BNC2: variants seen among roughly 807,000 people sequenced by gnomAD.
The protein encoded by BNC2 is basonuclin zinc finger protein 2, also known as zinc finger protein basonuclin-2.
A neutral mutation model predicts 76.3 loss-of-function variants in BNC2; 20 were observed. The ratio of observed to expected loss-of-function variants is 0.26; its 90% CI spans 0.18 to 0.38. The LOEUF (loss-of-function observed/expected upper bound fraction) is 0.38, where lower values mean the gene tolerates loss of function less well. Among genes scored for constraint, BNC2 ranks in the 10% least tolerant of loss-of-function variants. BNC2 has a pLI of 1.00. For synonymous variants in BNC2, 582 were observed against 514.8 expected, an observed-to-expected ratio of 1.13 and a Z score of -1.77; for missense variants, 1,382 against 1,399.8, an observed-to-expected ratio of 0.99 and a Z score of 0.20.
In BNC2 at chr9:16,436,490, T is replaced by C; in HGVS notation, c.1704A>G (p.Pro568=). ...GTAAACTTCTATAAAATGGAGGAAC[T>C]GGTTGTACAGTCTTTAGCCCAGAAA... The part of the protein sequence containing the change: ...LVFSGLKTVQ[P]VPPFYRSLLT... Residue 568 remains proline, a synonymous_variant, in exon 6 of 7, where the codon CCA becomes CCG. Coordinates refer to ENST00000380672, the MANE Select transcript of BNC2 (RefSeq NM_017637.6). The C allele has an allele frequency of 6.2e-7, 1 of 1,614,098 alleles. No individual in the cohort carries two copies. The highest frequency in any genetic ancestry group is 8.5e-7 in the Non-Finnish European group (1 of 1,180,018).
intron 3 of BNC2, chr9:16,699,113 C>CTGTTTT (rs537174277): frequency 3.1e-5 from 14 of 447,728 alleles, no homozygotes; most frequent in Non-Finnish European, 5.0e-5. Context: ...TGTTGCTGTT[C>CTGTTTT]TGTTTTTGTT....
chr9:16,733,925 C>T (rs996945851), intron 2 of BNC2, among the ~76,000 whole-genome samples: 2 of 152,054 alleles, frequency 1.3e-5, no homozygotes, highest in African/African-American at 4.8e-5. Flanking sequence ...CACCTAAGTC[C>T]CTGCACTCTC....
intron 5 of BNC2, among the ~76,000 whole-genome samples, chr9:16,485,411 A>C (rs1587083875): frequency 6.6e-6 from 1 of 152,140 alleles, no homozygotes; most frequent in South Asian, 2.1e-4. Flanking sequence ...TTACTCAAAA[A>C]CCTGTTTTGT....
Position 16,435,772 on chromosome 9 carries a change from A to C in BNC2, c.2422T>G (p.Phe808Val). The stretch of plus-strand genomic sequence containing the variant: ...CTGCCATAATTCAGAGACGATGTAA[A>C]GCTCTCATGCAAGGCGGCCATGCTG... ...GASMAALHES[F>V]TSSLNYGSPQ... is the part of the protein sequence containing the mutation. Residue 808 changes from phenylalanine (F) to valine (V), a missense_variant, in exon 6 of 7, where the codon TTT (phenylalanine) becomes GTT (valine). By Grantham distance (50) the Phe-to-Val change is conservative. This residue lies in a region of BNC2 where 798 missense variants were observed against 775.5 expected (regional missense o/e 1.03). Transcript: ENST00000380672. 1 of 1,614,114 alleles carries C rather than the reference A, an allele frequency of 6.2e-7. No homozygotes were observed. The highest frequency in any genetic ancestry group is 2.2e-5 in the East Asian group (1 of 44,860).
chr9:16,463,855 G>A (rs897678071), intron 5 of BNC2, among the ~76,000 whole-genome samples: 2 of 151,870 alleles, frequency 1.3e-5, no homozygotes, highest in Non-Finnish European at 2.9e-5. Flanking sequence ...CAGCACTTCG[G>A]GAGGCCAAGG....
intron 5 of BNC2, among the ~76,000 whole-genome samples, chr9:16,513,424 A>C (rs1822805615): frequency 6.8e-6 from 1 of 146,236 alleles, no homozygotes; most frequent in African/African-American, 2.5e-5. Context: ...CTCCTGCCTC[A>C]GCCTCCCGAG....
intron 1 of BNC2, among the ~76,000 whole-genome samples, chr9:16,740,071 G>A (rs1563922052): frequency 6.6e-6 from 1 of 152,194 alleles, no homozygotes; most frequent in Non-Finnish European, 1.5e-5. Context: ...GTTATTAGGG[G>A]AAAAGACAGA....
At chr9:16,548,510 A>G (rs1422621092) in intron 5 of BNC2, among the ~76,000 whole-genome samples, 3 of 151,956 alleles carry the variant, frequency 2.0e-5, no homozygotes, top group Non-Finnish European at 4.4e-5. Context: ...GGTTCAAGGA[A>G]TTCTCCCACC....
chr9:16,511,103 T>A (rs567598289), intron 5 of BNC2, among the ~76,000 whole-genome samples: 1 of 138,498 alleles, frequency 7.2e-6, no homozygotes, highest in Non-Finnish European at 1.6e-5. Flanking sequence ...TCACTAAACT[T>A]ACTTTTTTTT....
At chr9:16,599,434 T>C (rs1186199500) in intron 3 of BNC2, among the ~76,000 whole-genome samples, 1 of 152,214 alleles carries the variant, frequency 6.6e-6, no homozygotes, top group Non-Finnish European at 1.5e-5. Flanking sequence ...ACACACACCC[T>C]TCTAACACCT....
At chr9:16,475,706 T>C (rs966044434) in intron 5 of BNC2, among the ~76,000 whole-genome samples, 2 of 152,158 alleles carry the variant, frequency 1.3e-5, no homozygotes, top group African/African-American at 4.8e-5. Flanking sequence ...AGATTGCAGG[T>C]TGGGAATACT....
At chr9:16,770,016 C>A (rs1217358520) in intron 1 of BNC2, among the ~76,000 whole-genome samples, 1 of 152,118 alleles carries the variant, frequency 6.6e-6, no homozygotes, top group Non-Finnish European at 1.5e-5. Context: ...CTACAGCCTA[C>A]GGTTTTGCTC....
intron 1 of BNC2, among the ~76,000 whole-genome samples, chr9:16,788,455 A>G (rs1395871897): frequency 6.6e-6 from 1 of 151,516 alleles, no homozygotes; most frequent in Non-Finnish European, 1.5e-5. Flanking sequence ...CGGGAGGCTA[A>G]GGCAGGAGAA....
chr9:16,806,636 T>C (rs1362212369), intron 1 of BNC2, among the ~76,000 whole-genome samples: 1 of 152,172 alleles, frequency 6.6e-6, no homozygotes, highest in African/African-American at 2.4e-5. Flanking sequence ...CCCAGAAAAA[T>C]AAGGACAGTT....
At chr9:16,552,379 C>G in intron 5 of BNC2, 151 bp downstream of exon 5, 1 of 726,380 alleles carries the variant, frequency 1.4e-6, no homozygotes, top group Non-Finnish European at 2.4e-6. Flanking sequence ...CTTTGTCTCT[C>G]TCCTTTCCCC....
At chr9:16,798,948 A>G (rs933018831) in intron 1 of BNC2, among the ~76,000 whole-genome samples, 1 of 152,184 alleles carries the variant, frequency 6.6e-6, no homozygotes, top group African/African-American at 2.4e-5. Context: ...GCCCACAGCT[A>G]AATACACCAC....
At chr9:16,520,341 A>T (rs1817579216) in intron 5 of BNC2, among the ~76,000 whole-genome samples, 1 of 152,210 alleles carries the variant, frequency 6.6e-6, no homozygotes, top group African/African-American at 2.4e-5. Flanking sequence ...GGAGAGAAGC[A>T]AGAGAGAAAA....
intron 5 of BNC2, among the ~76,000 whole-genome samples, chr9:16,511,678 C>T (rs1019046203): frequency 1.3e-5 from 2 of 152,010 alleles, no homozygotes; most frequent in African/African-American, 4.8e-5. Flanking sequence ...ATCCATGGGC[C>T]TCAGCCCCCC....
chr9:16,785,807 C>CA (rs35675411), intron 1 of BNC2, among the ~76,000 whole-genome samples: 64,673 of 136,822 alleles, frequency 0.47, 19,598 homozygotes, highest in Non-Finnish European at 0.69. Context: ...ATGCTGTCTC[C>CA]AAAAAAAAAA....
Sources: allele counts gnomAD v4.1 joint callset (sites outside exome capture counted in the v4.1 genomes callset), GRCh38; gene constraint gnomAD v4.1.1; regional missense constraint gnomAD v4.1.1; transcripts MANE v1.5; gene names NCBI Gene and HGNC (gene_info 2026-07-23, HGNC 2026-07-21).